Variants in CCDC171 observed in about 807,000 individuals in gnomAD.
CCDC171 encodes the protein coiled-coil domain-containing protein 171.
CCDC171 carries 177 observed loss-of-function variants against 168.2 expected under a neutral mutation model. The ratio of observed to expected loss-of-function variants is 1.05; its 90% CI spans 0.93 to 1.19. CCDC171 has a LOEUF of 1.19. Ranked by LOEUF, CCDC171 falls within the 50% of genes most tolerant of loss-of-function variation. The pLI, the probability that CCDC171 is intolerant of heterozygous loss-of-function variation, is 0.00. For missense variants in CCDC171, 1,991 were observed against 1,539.0 expected, an observed-to-expected ratio of 1.29 and a Z score of -4.91; for synonymous variants, 687 against 540.8, an observed-to-expected ratio of 1.27 and a Z score of -3.75.
chr9:15,956,029 G>A (rs1277279521), intron 25 of CCDC171, among the ~76,000 whole-genome samples: 1 of 152,044 alleles, frequency 6.6e-6, no homozygotes, highest in Non-Finnish European at 1.5e-5. Flanking sequence ...ATTGATGCAG[G>A]GCAATTTCCT....
intron 18 of CCDC171, among the ~76,000 whole-genome samples, chr9:15,773,189 T>A (rs942901508): frequency 1.3e-5 from 2 of 152,190 alleles, no homozygotes; most frequent in African/African-American, 4.8e-5. Flanking sequence ...AGATGTATTT[T>A]GAGTAGCAGT....
chr9:15,824,266 T>C (rs1035388447), intron 21 of CCDC171, among the ~76,000 whole-genome samples: 26 of 152,036 alleles, frequency 1.7e-4, no homozygotes, highest in Non-Finnish European at 1.5e-4. Flanking sequence ...TTCACATATA[T>C]GTCTATATAC....
At chr9:15,907,770 G>A (rs564833228) in intron 24 of CCDC171, among the ~76,000 whole-genome samples, 2 of 152,100 alleles carry the variant, frequency 1.3e-5, no homozygotes, top group Non-Finnish European at 2.9e-5. Flanking sequence ...CTGACAAAGG[G>A]CTAATATCCA....
chr9:16,039,731 T>A (rs1373666835), upstream of CCDC171, among the ~76,000 whole-genome samples: 1 of 152,264 alleles, frequency 6.6e-6, no homozygotes, highest in East Asian at 1.9e-4. Context: ...TTGCACACAT[T>A]ACTCCTACTC....
chr9:15,727,183 A>T (rs1213255592), intron 14 of CCDC171, among the ~76,000 whole-genome samples: 6 of 152,172 alleles, frequency 3.9e-5, no homozygotes, highest in Non-Finnish European at 4.4e-5. Context: ...ATAATATTTA[A>T]ACACCTACAA....
At chr9:15,922,271 T>G (rs1326391063) in intron 25 of CCDC171, 1 of 233,576 alleles carries the variant, frequency 4.3e-6, no homozygotes, top group Admixed American at 4.0e-5. Context: ...GTCTTTTCCC[T>G]TAGTTGAGAA....
chr9:15,722,553 G>A (rs1033465600), intron 12 of CCDC171, among the ~76,000 whole-genome samples: 2 of 152,208 alleles, frequency 1.3e-5, no homozygotes, highest in African/African-American at 4.8e-5. Context: ...ATTAGCATAT[G>A]AAGTAATTAC....
intron 10 of CCDC171, among the ~76,000 whole-genome samples, chr9:15,694,624 C>T (rs548750818): frequency 1.3e-5 from 2 of 152,306 alleles, no homozygotes; most frequent in East Asian, 3.9e-4. Flanking sequence ...TTTCTGCGTA[C>T]TTCCCTTATC....
intron 21 of CCDC171, among the ~76,000 whole-genome samples, chr9:15,817,257 C>T (rs1416050971): frequency 8.5e-6 from 1 of 117,862 alleles, no homozygotes; most frequent in African/African-American, 3.2e-5. Flanking sequence ...GTCTACAGCT[C>T]CCAGTGTGAG....
chr9:15,565,359 A>T (rs1011830540), intron 2 of CCDC171, among the ~76,000 whole-genome samples: 1 of 151,976 alleles, frequency 6.6e-6, no homozygotes, highest in Non-Finnish European at 1.5e-5. Flanking sequence ...AAAGTTTTTA[A>T]ATTTTTCTGA....
At chr9:15,580,533 G>GA (rs1482788796) in intron 4 of CCDC171, among the ~76,000 whole-genome samples, 2 of 151,502 alleles carry the variant, frequency 1.3e-5, no homozygotes. Flanking sequence ...AAATCAGCAA[G>GA]AAAAAAACAA....
At chr9:15,862,147 C>T (rs937302114) in intron 23 of CCDC171, among the ~76,000 whole-genome samples, 1 of 149,088 alleles carries the variant, frequency 6.7e-6, no homozygotes, top group Non-Finnish European at 1.5e-5. Flanking sequence ...TCATTTTCTT[C>T]TTGCTTCTTT....
At chr9:16,027,088 C>G (rs1007356099) in intron 6 of CCDC171, among the ~76,000 whole-genome samples, 1 of 152,128 alleles carries the variant, frequency 6.6e-6, no homozygotes, top group African/African-American at 2.4e-5. Flanking sequence ...TTTCTCAGCC[C>G]AAGGTTGAGT....
chr9:15,694,211 A>C (rs1298164231), intron 10 of CCDC171, among the ~76,000 whole-genome samples: 2 of 152,076 alleles, frequency 1.3e-5, no homozygotes, highest in Non-Finnish European at 2.9e-5. Context: ...GACTTGTCCT[A>C]GGCTCTTTTC....
chr9:15,767,806 CT>C (rs2056803712), intron 18 of CCDC171, among the ~76,000 whole-genome samples: 1 of 141,828 alleles, frequency 7.1e-6, no homozygotes, highest in African/African-American at 2.6e-5. Flanking sequence ...GGCTCTTTTT[CT>C]TTTTTCTTTT....
intron 6 of CCDC171, among the ~76,000 whole-genome samples, chr9:15,595,531 C>T (rs534445085): frequency 6.6e-6 from 1 of 152,276 alleles, no homozygotes; most frequent in Non-Finnish European, 1.5e-5. Flanking sequence ...GCTGCATTTT[C>T]TTAATCCAGT....
intron 3 of CCDC171, among the ~76,000 whole-genome samples, chr9:15,999,814 A>T (rs548791786): frequency 6.6e-6 from 1 of 152,216 alleles, no homozygotes; most frequent in African/African-American, 2.4e-5. Context: ...AGATTCCACA[A>T]CTTATCTGGA....
At chr9:15,809,810 G>A (rs922070081) in intron 21 of CCDC171, among the ~76,000 whole-genome samples, 21 of 152,186 alleles carry the variant, frequency 1.4e-4, no homozygotes, top group Non-Finnish European at 2.4e-4. Context: ...AAGAGGACCC[G>A]AACGGGTTGC....
At chr9:16,016,332 A>G (rs564847715) in intron 3 of CCDC171, among the ~76,000 whole-genome samples, 2 of 152,190 alleles carry the variant, frequency 1.3e-5, no homozygotes, top group East Asian at 3.9e-4. Flanking sequence ...TTACTTGCAG[A>G]TTGCCTTCCC....
Sources: gnomAD v4.1 joint callset for allele counts (sites outside exome capture counted in the v4.1 genomes callset) on GRCh38, gnomAD v4.1.1 for gene constraint, MANE v1.5 for transcripts, NCBI Gene and HGNC (gene_info 2026-07-23, HGNC 2026-07-21) for gene names.